Variants in AGMO observed in about 807,000 individuals in gnomAD.
AGMO encodes alkylglycerol monooxygenase.
AGMO carries 75 observed loss-of-function variants against 60.2 expected under a neutral mutation model. That is an observed-to-expected ratio of 1.25 (90% CI 1.03 to 1.51). The LOEUF is 1.51. Among genes scored for constraint, AGMO ranks in the 40% most tolerant of loss-of-function variants. The pLI, the probability that AGMO is intolerant of heterozygous loss-of-function variation, is 0.00. For missense variants in AGMO, 763 were observed against 525.5 expected (o/e 1.45, Z -4.42); for synonymous variants, 261 against 177.1 (o/e 1.47, Z -3.76).
chr7:15,204,537 T>C (rs1267106134), intron 12 of AGMO, among the ~76,000 whole-genome samples: 2 of 152,226 alleles, frequency 1.3e-5, no homozygotes, highest in Non-Finnish European at 2.9e-5. Flanking sequence ...ACACTTATTG[T>C]ATCCTAGTTC....
At chr7:15,247,388 TTTTGTTAA>T (rs1414298264) in intron 12 of AGMO, among the ~76,000 whole-genome samples, 1 of 151,380 alleles carries the variant, frequency 6.6e-6, no homozygotes. Context: ...TATAGTTACA[TTTTGTTAA>T]TATATGACTT....
intron 10 of AGMO, among the ~76,000 whole-genome samples, chr7:15,376,960 T>C (rs1204838517): frequency 6.6e-6 from 1 of 152,108 alleles, no homozygotes; most frequent in Non-Finnish European, 1.5e-5. Context: ...CAAAGTTATT[T>C]ATATAGAACT....
intron 10 of AGMO, among the ~76,000 whole-genome samples, chr7:15,375,265 T>G (rs1783403683): frequency 6.6e-6 from 1 of 152,110 alleles, no homozygotes; most frequent in Admixed American, 6.6e-5. Flanking sequence ...AACTTTTATT[T>G]TCTTACTAAG....
intron 3 of AGMO, among the ~76,000 whole-genome samples, chr7:15,462,475 G>T (rs1365540095): frequency 6.6e-6 from 1 of 152,076 alleles, no homozygotes; most frequent in Admixed American, 6.6e-5. Flanking sequence ...TATTTAAAAT[G>T]TCTGATTAAG....
the AGMO span, among the ~76,000 whole-genome samples, chr7:15,183,155 T>C: frequency 6.6e-6 from 1 of 151,976 alleles, no homozygotes; most frequent in Admixed American, 6.6e-5. Flanking sequence ...TGATGGCATA[T>C]ATGAGCAACT....
chr7:15,281,297 C>G (rs1262360789), intron 12 of AGMO, among the ~76,000 whole-genome samples: 1 of 152,160 alleles, frequency 6.6e-6, no homozygotes, highest in Non-Finnish European at 1.5e-5. Flanking sequence ...CCCTTGTCCA[C>G]CACTGCAGAT....
At chr7:15,524,714 T>C in intron 3 of AGMO, among the ~76,000 whole-genome samples, 1 of 63,966 alleles carries the variant, frequency 1.6e-5, no homozygotes, top group South Asian at 4.4e-4. Flanking sequence ...AATACAAAAA[T>C]TAGCCAGGCA....
intron 12 of AGMO, among the ~76,000 whole-genome samples, chr7:15,316,161 T>A (rs1418787486): frequency 2.0e-5 from 3 of 151,914 alleles, no homozygotes; most frequent in African/African-American, 7.3e-5. Flanking sequence ...GGTATTGGAG[T>A]TGCCAAGGGA....
chr7:15,279,169 C>T (rs12333630), intron 12 of AGMO, among the ~76,000 whole-genome samples: 50,547 of 151,956 alleles, frequency 0.33, 12,257 homozygotes, highest in African/African-American at 0.69. Flanking sequence ...GGCTCTCCCC[C>T]GTCTAGAATT....
chr7:15,336,701 T>A (rs1371659503), intron 12 of AGMO, among the ~76,000 whole-genome samples: 1 of 152,198 alleles, frequency 6.6e-6, no homozygotes, highest in Non-Finnish European at 1.5e-5. Context: ...TTCTGATACA[T>A]TTTGAGAAAG....
At chr7:15,418,223 ATC>A (rs1291774621) in intron 5 of AGMO, among the ~76,000 whole-genome samples, 1 of 152,034 alleles carries the variant, frequency 6.6e-6, no homozygotes, top group African/African-American at 2.4e-5. Context: ...ATATGTTTAT[ATC>A]TCTGAATTGA....
intron 12 of AGMO, among the ~76,000 whole-genome samples, chr7:15,214,141 A>G (rs964306424): frequency 2.6e-5 from 4 of 152,026 alleles, no homozygotes; most frequent in Non-Finnish European, 5.9e-5. Context: ...TAGAATTTCT[A>G]AAAATAATTA....
intron 3 of AGMO, among the ~76,000 whole-genome samples, chr7:15,502,116 C>G (rs1783401754): frequency 6.6e-6 from 1 of 151,990 alleles, no homozygotes; most frequent in Non-Finnish European, 1.5e-5. Context: ...TTCCTCATCT[C>G]CAAAGTGAGG....
the AGMO span, among the ~76,000 whole-genome samples, chr7:15,155,888 T>A: frequency 1.3e-5 from 2 of 152,212 alleles, no homozygotes; most frequent in African/African-American, 4.8e-5. Context: ...TGTTTCTGGA[T>A]ACTTTCAGGC....
chr7:15,508,697 T>C (rs1783588793), intron 3 of AGMO, among the ~76,000 whole-genome samples: 1 of 151,802 alleles, frequency 6.6e-6, no homozygotes, highest in African/African-American at 2.4e-5. Context: ...AGTCCACTTC[T>C]CATCCCTCAC....
chr7:15,191,150 A>G, the AGMO span, among the ~76,000 whole-genome samples: 2 of 152,184 alleles, frequency 1.3e-5, no homozygotes, highest in African/African-American at 4.8e-5. Context: ...AATATTACAT[A>G]AAATTTCTAT....
chr7:15,275,960 T>C (rs942158653), intron 12 of AGMO, among the ~76,000 whole-genome samples: 1 of 152,128 alleles, frequency 6.6e-6, no homozygotes, highest in Non-Finnish European at 1.5e-5. Flanking sequence ...CAGCAAACGG[T>C]TGGGTCTTGT....
At chr7:15,180,306 G>C in the AGMO span, among the ~76,000 whole-genome samples, 1 of 152,058 alleles carries the variant, frequency 6.6e-6, no homozygotes, top group Non-Finnish European at 1.5e-5. Context: ...GCAGTTAAAA[G>C]TCACCCTATA....
chr7:15,315,221 T>C (rs1426557145), intron 12 of AGMO, among the ~76,000 whole-genome samples: 1 of 152,012 alleles, frequency 6.6e-6, no homozygotes, highest in Non-Finnish European at 1.5e-5. Context: ...GTACTAAGTT[T>C]GTGGTAACTT....
Sources: gnomAD v4.1 joint callset for allele counts (sites outside exome capture counted in the v4.1 genomes callset) on GRCh38, gnomAD v4.1.1 for gene constraint, MANE v1.5 for transcripts, NCBI Gene and HGNC (gene_info 2026-07-23, HGNC 2026-07-21) for gene names.